PDE10A: variants seen among roughly 807,000 people sequenced by gnomAD.
PDE10A encodes the protein phosphodiesterase 10A.
In PDE10A, 39 loss-of-function variants were observed where a neutral mutation model predicts 97.7. That is an observed-to-expected ratio of 0.40 (90% CI 0.31 to 0.52). The LOEUF (loss-of-function observed/expected upper bound fraction) is 0.52, where lower values mean the gene tolerates loss of function less well. PDE10A is among the 20% of genes least tolerant of loss of function. The pLI is 0.56. For missense variants in PDE10A, 731 were observed against 1,047.8 expected (o/e 0.70, Z 4.17); for synonymous variants, 371 against 376.8 (o/e 0.98, Z 0.18).
intron 3 of PDE10A, among the ~76,000 whole-genome samples, chr6:165,468,062 TAA>T (rs1360248260): frequency 6.6e-6 from 1 of 152,108 alleles, no homozygotes. Flanking sequence ...TTTTTAGCAA[TAA>T]AGCCATACAT....
intron 1 of PDE10A, among the ~76,000 whole-genome samples, chr6:165,846,006 T>C (rs1483200600): frequency 2.6e-5 from 4 of 152,002 alleles, no homozygotes; most frequent in Non-Finnish European, 5.9e-5. Flanking sequence ...GTGTCTGAAT[T>C]TGGGGAGTAG....
intron 1 of PDE10A, among the ~76,000 whole-genome samples, chr6:165,613,032 G>C (rs1309615289): frequency 6.6e-6 from 1 of 152,168 alleles, no homozygotes; most frequent in Non-Finnish European, 1.5e-5. Context: ...AAAAGGATAA[G>C]TTCTCTTTAT....
At chr6:165,984,416 T>A (rs934801336) in intron 1 of PDE10A, among the ~76,000 whole-genome samples, 1 of 152,262 alleles carries the variant, frequency 6.6e-6, no homozygotes, top group Non-Finnish European at 1.5e-5. Context: ...TTTCTTTTCA[T>A]AGCTGGCAGT....
At chr6:165,399,297 A>G (rs1280016652) in intron 13 of PDE10A, among the ~76,000 whole-genome samples, 1 of 152,216 alleles carries the variant, frequency 6.6e-6, no homozygotes, top group African/African-American at 2.4e-5. Context: ...AAATCCCAGT[A>G]GGCTTTTCTA....
chr6:165,979,214 T>G (rs889909636), intron 1 of PDE10A, among the ~76,000 whole-genome samples: 1 of 152,140 alleles, frequency 6.6e-6, no homozygotes, highest in Non-Finnish European at 1.5e-5. Context: ...GGGTAAGGGT[T>G]CTTGTTCATT....
In PDE10A at chr6:165,938,064, T is replaced by C. The variant is rs80107244; in HGVS notation, c.-615+49465A>G. 4.2e-4 allele frequency among the ~76,000 whole-genome samples: 64 copies of C among 152,352 alleles called. 1 individual carries two copies. The East Asian group carries it at 0.011, about 27-fold the overall frequency. On this transcript the variant is annotated intron_variant, in intron 1 of 19. Transcript: ENST00000366882. Reference sequence around the variant, plus strand: ...AAGACTTCAGAAGCCAAAGCTGGACTGTCAGTATCAAAGGTCTAAATATAT... The same window carrying C: ...AAGACTTCAGAAGCCAAAGCTGGACCGTCAGTATCAAAGGTCTAAATATAT...
At chr6:165,442,671 A>G (rs769819582) in intron 5 of PDE10A, among the ~76,000 whole-genome samples, 2 of 152,100 alleles carry the variant, frequency 1.3e-5, no homozygotes, top group African/African-American at 2.4e-5. Context: ...TGATGATTAC[A>G]ATTTGACATG....
At chr6:165,695,549 A>C (rs1345829805) in intron 1 of PDE10A, among the ~76,000 whole-genome samples, 1 of 152,140 alleles carries the variant, frequency 6.6e-6, no homozygotes, top group East Asian at 1.9e-4. Context: ...CCTGTTGCTG[A>C]GGCTAAGTAC....
At chr6:165,807,466 G>C (rs1049583196) in intron 1 of PDE10A, among the ~76,000 whole-genome samples, 1 of 152,050 alleles carries the variant, frequency 6.6e-6, no homozygotes, top group Non-Finnish European at 1.5e-5. Flanking sequence ...ATTACAACCC[G>C]AGCTCCCACA....
intron 1 of PDE10A, among the ~76,000 whole-genome samples, chr6:165,574,937 T>C (rs1785228403): frequency 6.6e-6 from 1 of 152,194 alleles, no homozygotes; most frequent in South Asian, 2.1e-4. Flanking sequence ...CATGAATAAG[T>C]AGAAAAATTA....
At chr6:165,854,089 G>A (rs1413823562) in intron 1 of PDE10A, among the ~76,000 whole-genome samples, 1 of 152,228 alleles carries the variant, frequency 6.6e-6, no homozygotes, top group Non-Finnish European at 1.5e-5. Flanking sequence ...TCCTAGGGAA[G>A]AGCCCAGGCA....
chr6:165,875,740 T>TTG (rs1554334706), intron 1 of PDE10A, among the ~76,000 whole-genome samples: 3 of 146,608 alleles, frequency 2.0e-5, no homozygotes, highest in African/African-American at 7.7e-5. Flanking sequence ...TGTTTTTTTT[T>TTG]TTTTTTTGTG....
rs75431201 is a variant in PDE10A, at chr6:165,843,987, C to T, written c.-615+143542G>A. Reference sequence around the variant, plus strand: ...CACCTTAGCAGACAGGCCTCCAGAGCACGGCACAGGTTCCGAAATGAAGAC... The same window carrying T: ...CACCTTAGCAGACAGGCCTCCAGAGTACGGCACAGGTTCCGAAATGAAGAC... On this transcript the variant is annotated intron_variant, in intron 1 of 19. Coordinates refer to the PDE10A transcript ENST00000366882. Among the ~76,000 whole-genome samples, 692 of 152,258 alleles carry T rather than the reference C, an allele frequency of 4.5e-3. 4 individuals carry two copies. The highest frequency in any genetic ancestry group is 6.3e-3 in the Non-Finnish European group (427 of 68,006).
chr6:165,696,501 A>G (rs1363910535), intron 1 of PDE10A, among the ~76,000 whole-genome samples: 2 of 152,108 alleles, frequency 1.3e-5, no homozygotes, highest in African/African-American at 4.8e-5. Flanking sequence ...AAAACATAGT[A>G]TATGTAGGGT....
intron 18 of PDE10A, among the ~76,000 whole-genome samples, chr6:165,353,452 C>T (rs1038789812): frequency 1.8e-4 from 27 of 152,018 alleles, no homozygotes; most frequent in Admixed American, 1.6e-3. Flanking sequence ...GGCAGCTTTA[C>T]GAATAGTTGT....
intron 1 of PDE10A, among the ~76,000 whole-genome samples, chr6:165,774,513 TTA>T (rs1484767925): frequency 1.4e-5 from 2 of 148,000 alleles, no homozygotes; most frequent in Non-Finnish European, 3.0e-5. Flanking sequence ...ACCTATATAT[TTA>T]TATATTACAT....
At chr6:165,393,048 G>A (rs573684116) in intron 15 of PDE10A, among the ~76,000 whole-genome samples, 7 of 152,110 alleles carry the variant, frequency 4.6e-5, no homozygotes, top group African/African-American at 1.7e-4. Flanking sequence ...TCCCACCAGC[G>A]AAAAAATATC....
At chr6:165,353,824 T>C (rs561764764) in intron 18 of PDE10A, among the ~76,000 whole-genome samples, 1 of 152,264 alleles carries the variant, frequency 6.6e-6, no homozygotes, top group Non-Finnish European at 1.5e-5. Flanking sequence ...TCCAGACCCA[T>C]AGAAGGTACA....
chr6:165,925,947 T>C (rs1782919397), intron 1 of PDE10A, among the ~76,000 whole-genome samples: 1 of 152,230 alleles, frequency 6.6e-6, no homozygotes, highest in Non-Finnish European at 1.5e-5. Context: ...TAGCAGACTG[T>C]AGTTACACAG....
Sources: gnomAD v4.1 joint callset for allele counts (sites outside exome capture counted in the v4.1 genomes callset) on GRCh38, gnomAD v4.1.1 for gene constraint, MANE v1.5 for transcripts, NCBI Gene and HGNC (gene_info 2026-07-23, HGNC 2026-07-21) for gene names.